The following SLC2A13 variants were observed in gnomAD, a reference collection of about 807,000 sequenced individuals.
SLC2A13 encodes proton myo-inositol cotransporter.
Under a neutral mutation model 64.4 loss-of-function variants are expected in SLC2A13, and 32 were observed. The ratio of observed to expected loss-of-function variants is 0.50; its 90% CI spans 0.37 to 0.67. The LOEUF is 0.67. SLC2A13 is among the 30% of genes least tolerant of loss of function. The probability of loss-of-function intolerance (pLI) is 0.00; values close to 1 mark genes in which losing one functional copy is unlikely to be tolerated. For missense variants in SLC2A13, 743 were observed against 829.2 expected (o/e 0.90, Z 1.28); for synonymous variants, 338 against 327.1 (o/e 1.03, Z -0.36).
At chr12:39,873,638 C>G (rs928116693) in intron 4 of SLC2A13, among the ~76,000 whole-genome samples, 1 of 151,898 alleles carries the variant, frequency 6.6e-6, no homozygotes, top group Non-Finnish European at 1.5e-5. Context: ...CATATAGAGG[C>G]AGGGGAAAAT....
At chr12:40,052,449 T>C (rs898566509) in intron 1 of SLC2A13, among the ~76,000 whole-genome samples, 40 of 151,892 alleles carry the variant, frequency 2.6e-4, no homozygotes, top group African/African-American at 8.5e-4. Flanking sequence ...ATGAGGTATA[T>C]TGGGAGAAGT....
At chr12:39,896,677 A>T (rs999181388) in intron 4 of SLC2A13, among the ~76,000 whole-genome samples, 6 of 151,830 alleles carry the variant, frequency 4.0e-5, no homozygotes, top group African/African-American at 1.5e-4. Flanking sequence ...TTTAAATATT[A>T]ATATCCCTCG....
At chr12:39,863,220 T>C (rs898633886) in intron 6 of SLC2A13, among the ~76,000 whole-genome samples, 9 of 152,146 alleles carry the variant, frequency 5.9e-5, no homozygotes, top group Admixed American at 4.6e-4. Flanking sequence ...GATAATACCT[T>C]ACATCATAAG....
chr12:39,937,321 C>T (rs1403646708), intron 4 of SLC2A13, among the ~76,000 whole-genome samples: 1 of 152,132 alleles, frequency 6.6e-6, no homozygotes, highest in African/African-American at 2.4e-5. Context: ...TATTGTGTAT[C>T]TCTGGTCCCT....
intron 5 of SLC2A13, among the ~76,000 whole-genome samples, chr12:39,865,960 T>C (rs1014863570): frequency 2.2e-4 from 33 of 152,212 alleles, no homozygotes; most frequent in Non-Finnish European, 1.2e-4. Flanking sequence ...AAATAATCTG[T>C]ACACCAGACC....
intron 4 of SLC2A13, among the ~76,000 whole-genome samples, chr12:39,900,660 C>T (rs867342568): frequency 2.0e-5 from 3 of 152,110 alleles, no homozygotes; most frequent in African/African-American, 7.2e-5. Flanking sequence ...CAAGGAGAAC[C>T]ACAAACCACT....
At chr12:39,807,791 C>T (rs1942025070) in intron 7 of SLC2A13, among the ~76,000 whole-genome samples, 2 of 152,104 alleles carry the variant, frequency 1.3e-5, no homozygotes, top group African/African-American at 4.8e-5. Context: ...CTAGGTGAGT[C>T]TAGCTATAAA....
In SLC2A13 at chr12:40,105,448, C is replaced by G; in HGVS notation, c.361G>C (p.Glu121Gln). 1.9e-6 allele frequency: 3 copies of G among 1,557,588 alleles called. No individual in the cohort carries two copies. Among genetic ancestry groups the G allele is most frequent in the Non-Finnish European group, 2.6e-6 (3 of 1,151,422 alleles). Residue 121 changes from glutamate (E) to glutamine (Q), a missense_variant, in exon 1 of 10, where the codon GAG becomes CAG. Glu to Gln is a conservative substitution (Grantham distance 29). Coordinates refer to ENST00000280871, the MANE Select transcript of SLC2A13 (RefSeq NM_052885.4). This position sits in a 1 kb window ranked among gnomAD's most constrained non-coding sequence, Gnocchi z 4.2. ...CCCACCGTGCTGGACACCAGCAGCT[C>G]CTGCCACAGCGCGTCCAGACTGAGC... ...RQLSLDALWQ[E>Q]LLVSSTVGAA...
At chr12:39,856,830 A>AT (rs1943621447) in intron 6 of SLC2A13, among the ~76,000 whole-genome samples, 1 of 152,190 alleles carries the variant, frequency 6.6e-6, no homozygotes, top group Admixed American at 6.5e-5. Context: ...TAATAGCTGA[A>AT]TTGTTTTCGT....
intron 4 of SLC2A13, among the ~76,000 whole-genome samples, chr12:39,893,338 C>T (rs537262208): frequency 6.6e-5 from 10 of 152,286 alleles, no homozygotes; most frequent in Non-Finnish European, 8.8e-5. Flanking sequence ...CTCACTCTGT[C>T]GCCCAGGCTG....
At chr12:39,794,151 C>CAAAAA in intron 7 of SLC2A13, among the ~76,000 whole-genome samples, 1 of 89,200 alleles carries the variant, frequency 1.1e-5, no homozygotes, top group Non-Finnish European at 2.4e-5. Flanking sequence ...AAAAAAAAAC[C>CAAAAA]AAAACAAAAC....
chr12:39,976,294 T>C (rs1946755957), intron 3 of SLC2A13, among the ~76,000 whole-genome samples: 1 of 152,216 alleles, frequency 6.6e-6, no homozygotes, highest in Non-Finnish European at 1.5e-5. Context: ...GGACTCTGTA[T>C]GGTAGGCTCC....
At chr12:39,972,030 A>AAAT (rs1555144684) in intron 3 of SLC2A13, among the ~76,000 whole-genome samples, 2 of 109,738 alleles carry the variant, frequency 1.8e-5, no homozygotes, top group African/African-American at 3.0e-5. Flanking sequence ...TTTTATATAA[A>AAAT]TATATATATA....
At chr12:39,889,400 C>T (rs2135975528) in intron 4 of SLC2A13, among the ~76,000 whole-genome samples, 1 of 152,020 alleles carries the variant, frequency 6.6e-6, no homozygotes, top group South Asian at 2.1e-4. Flanking sequence ...TAAATATAGC[C>T]TTATACTCTA....
intron 4 of SLC2A13, among the ~76,000 whole-genome samples, chr12:39,908,480 G>C (rs1418457294): frequency 2.6e-5 from 4 of 151,842 alleles, no homozygotes; most frequent in African/African-American, 9.7e-5. Context: ...TTGTTCCTCA[G>C]AACCCGAGGA....
At chr12:39,798,458 A>G (rs1941656511) in intron 7 of SLC2A13, among the ~76,000 whole-genome samples, 1 of 152,266 alleles carries the variant, frequency 6.6e-6, no homozygotes, top group South Asian at 2.1e-4. Context: ...ACTGAAAGCA[A>G]AAGGAGATAC....
chr12:39,839,809 C>G (rs1476083008), intron 6 of SLC2A13, among the ~76,000 whole-genome samples: 1 of 152,062 alleles, frequency 6.6e-6, no homozygotes, highest in African/African-American at 2.4e-5. Flanking sequence ...AGTGCCAGAA[C>G]TACACTTCCA....
chr12:40,057,396 T>G (rs947215502), intron 1 of SLC2A13, among the ~76,000 whole-genome samples: 1 of 152,062 alleles, frequency 6.6e-6, no homozygotes, highest in South Asian at 2.1e-4. Context: ...TAAAAAAAAT[T>G]TATGGGTGGG....
intron 1 of SLC2A13, chr12:40,068,148 GATCCTCCCACCTCAGC>G: frequency 4.8e-6 from 1 of 209,934 alleles, no homozygotes; most frequent in South Asian, 5.7e-5. Context: ...GGCCTCAAGT[GATCCTCCCACCTCAGC>G]ATCCCAAAGT....
Sources: gnomAD v4.1 joint callset for allele counts (sites outside exome capture counted in the v4.1 genomes callset) on GRCh38, gnomAD v4.1.1 for gene constraint, Gnocchi (gnomAD v3.1) non-coding constraint, MANE v1.5 for transcripts, NCBI Gene and HGNC (gene_info 2026-07-23, HGNC 2026-07-21) for gene names.